DLC1: variants seen among roughly 807,000 people sequenced by gnomAD.
DLC1 encodes rho GTPase-activating protein 7.
In DLC1, 54 loss-of-function variants were observed where a neutral mutation model predicts 140.3. The ratio of observed to expected loss-of-function variants is 0.38; its 90% CI spans 0.31 to 0.48. The LOEUF (loss-of-function observed/expected upper bound fraction) is 0.48, where lower values mean the gene tolerates loss of function less well. DLC1 is among the 20% of genes least tolerant of loss of function. The pLI is 0.96. For missense variants in DLC1, 2,536 were observed against 1,907.0 expected (o/e 1.33, Z -6.14); for synonymous variants, 986 against 728.1 (o/e 1.35, Z -5.70).
chr8:13,156,391 G>T (rs1157787156), intron 5 of DLC1, among the ~76,000 whole-genome samples: 2 of 152,188 alleles, frequency 1.3e-5, no homozygotes, highest in Non-Finnish European at 2.9e-5. Flanking sequence ...TACAAGGTGA[G>T]AGTGCGCTGG....
At chr8:13,129,735 C>A (rs1295434722) in intron 5 of DLC1, among the ~76,000 whole-genome samples, 4 of 152,186 alleles carry the variant, frequency 2.6e-5, no homozygotes, top group African/African-American at 9.7e-5. Flanking sequence ...GCGAGTCACA[C>A]CATGGGGCCA....
intron 5 of DLC1, among the ~76,000 whole-genome samples, chr8:13,286,083 C>T (rs951202058): frequency 4.4e-4 from 67 of 152,102 alleles, no homozygotes; most frequent in African/African-American, 1.6e-3. Context: ...AAAATAGAAA[C>T]AATCCAATTG....
intron 4 of DLC1, among the ~76,000 whole-genome samples, chr8:13,349,830 A>G (rs1279974042): frequency 6.6e-6 from 1 of 152,232 alleles, no homozygotes; most frequent in Admixed American, 6.5e-5. Flanking sequence ...GTGGGGAGAC[A>G]TGAGGAGGAA....
intron 1 of DLC1, among the ~76,000 whole-genome samples, chr8:13,572,034 G>A (rs774370499): frequency 6.6e-6 from 1 of 151,332 alleles, no homozygotes; most frequent in Non-Finnish European, 1.5e-5. Flanking sequence ...CAAATCCTCT[G>A]CCCATTTTCA....
intron 3 of DLC1, among the ~76,000 whole-genome samples, chr8:13,395,851 T>TC: frequency 7.2e-6 from 1 of 139,046 alleles, no homozygotes; most frequent in Admixed American, 7.1e-5. Context: ...TTCTTCTTCT[T>TC]CTTTGTTTTT....
intron 5 of DLC1, among the ~76,000 whole-genome samples, chr8:13,185,937 G>T (rs1353362704): frequency 5.3e-5 from 8 of 152,128 alleles, no homozygotes; most frequent in Non-Finnish European, 1.0e-4. Context: ...GAAATTCTGG[G>T]TTGAAAATTC....
intron 5 of DLC1, among the ~76,000 whole-genome samples, chr8:13,275,396 G>A (rs1563217251): frequency 6.6e-6 from 1 of 152,224 alleles, no homozygotes; most frequent in Non-Finnish European, 1.5e-5. Flanking sequence ...TTCAGTATAC[G>A]GAAAACAACT....
intron 4 of DLC1, among the ~76,000 whole-genome samples, chr8:13,335,001 C>T (rs959945890): frequency 1.3e-5 from 2 of 152,118 alleles, no homozygotes; most frequent in Non-Finnish European, 1.5e-5. Context: ...AAATCTGGCT[C>T]AGGGGCTCTA....
chr8:13,437,266 G>C (rs1428427324), intron 2 of DLC1, among the ~76,000 whole-genome samples: 2 of 152,184 alleles, frequency 1.3e-5, no homozygotes, highest in Non-Finnish European at 2.9e-5. Context: ...GAGATGATGG[G>C]ACAGTGTATT....
At chr8:13,300,627 T>C (rs1032512402) in intron 5 of DLC1, among the ~76,000 whole-genome samples, 1 of 151,924 alleles carries the variant, frequency 6.6e-6, no homozygotes, top group South Asian at 2.1e-4. Context: ...CAGGGAGAAG[T>C]AGGGCAGAGG....
intron 15 of DLC1, among the ~76,000 whole-genome samples, chr8:13,089,388 G>T (rs975234063): frequency 6.6e-6 from 1 of 151,938 alleles, no homozygotes; most frequent in Non-Finnish European, 1.5e-5. Context: ...AGCACTTTGG[G>T]AGGCCAAGGT....
chr8:13,374,312 T>TA (rs34406305), intron 4 of DLC1, among the ~76,000 whole-genome samples: 7 of 151,916 alleles, frequency 4.6e-5, no homozygotes, highest in Non-Finnish European at 1.0e-4. Context: ...TCTTTTTTTT[T>TA]AATGTATTGA....
chr8:13,220,372 C>G (rs371655429), intron 5 of DLC1, among the ~76,000 whole-genome samples: 1 of 152,010 alleles, frequency 6.6e-6, no homozygotes, highest in African/African-American at 2.4e-5. Flanking sequence ...ACTTGAGCAG[C>G]CTGGCTTGTG....
intron 1 of DLC1, among the ~76,000 whole-genome samples, chr8:13,525,176 C>G (rs576861862): frequency 6.6e-6 from 1 of 152,230 alleles, no homozygotes; most frequent in Non-Finnish European, 1.5e-5. Flanking sequence ...GTCCTTTTTA[C>G]TGTTGATTAG....
intron 2 of DLC1, among the ~76,000 whole-genome samples, chr8:13,484,453 A>T (rs967378493): frequency 3.9e-5 from 6 of 152,128 alleles, no homozygotes; most frequent in African/African-American, 1.4e-4. Context: ...TTAATTTCTG[A>T]AATAAGTCTT....
In DLC1 at chr8:13,085,448, A is replaced by G. The variant is rs2128924585; in HGVS notation, c.*363T>C. 1 of 172,830 alleles carries G rather than the reference A, an allele frequency of 5.8e-6. No homozygotes were observed. Among genetic ancestry groups the G allele is most frequent in the East Asian group, 1.5e-4 (1 of 6,700 alleles). The allele number at this position is 172,830 out of a possible 1,614,324, so 10.7% of individuals were successfully genotyped here. On this transcript the variant is annotated 3_prime_UTR_variant, in exon 18 of 18. Coordinates refer to ENST00000276297, the MANE Select transcript of DLC1 (RefSeq NM_182643.3). ...AGTGGATACACCAGTCCCTCAACAC[A>G]CTGCAAATAAAGCGACACAGGTACG...
intron 5 of DLC1, among the ~76,000 whole-genome samples, chr8:13,299,610 A>G (rs1368245577): frequency 1.3e-5 from 2 of 151,528 alleles, no homozygotes; most frequent in Non-Finnish European, 2.9e-5. Context: ...GAGGGATTCT[A>G]TGGTAGTTAA....
At chr8:13,456,459 T>G (rs931097681) in intron 2 of DLC1, among the ~76,000 whole-genome samples, 1 of 152,224 alleles carries the variant, frequency 6.6e-6, no homozygotes, top group East Asian at 1.9e-4. Flanking sequence ...TTTTATTTTT[T>G]TTTTTATTTT....
Position 13,107,447 on chromosome 8 carries a change from G to C in DLC1, c.1502+3295C>G, listed in dbSNP as rs904296373. Among the ~76,000 whole-genome samples the C allele has an allele frequency of 5.3e-5, 8 of 152,276 alleles. No homozygotes were observed. The South Asian group carries it at 1.5e-3, about 28-fold the overall frequency. On this transcript the variant is annotated intron_variant, in intron 7 of 17. Coordinates refer to ENST00000276297, the MANE Select transcript of DLC1 (RefSeq NM_182643.3). ...GGAGGAGGTAGGTGGGAAAGATTTT[G>C]TAAAATGTTTAAGCTGAATTTCTGC...
Sources: gnomAD v4.1 joint callset for allele counts (sites outside exome capture counted in the v4.1 genomes callset) on GRCh38, gnomAD v4.1.1 for gene constraint, MANE v1.5 for transcripts, NCBI Gene and HGNC (gene_info 2026-07-23, HGNC 2026-07-21) for gene names.